Variants in TTPA observed in about 807,000 individuals in gnomAD.
TTPA encodes alpha tocopherol transfer protein, also known as alpha-tocopherol transfer protein.
In TTPA, 23 loss-of-function variants were observed where a neutral mutation model predicts 25.9. The ratio of observed to expected loss-of-function variants is 0.89; its 90% CI spans 0.64 to 1.26. The LOEUF (loss-of-function observed/expected upper bound fraction) is 1.26. Ranked by LOEUF, TTPA falls within the 50% of genes most tolerant of loss-of-function variation. The pLI is 0.00. For synonymous variants in TTPA, 148 were observed against 137.3 expected (o/e 1.08, Z -0.54); for missense variants, 337 against 353.1 (o/e 0.95, Z 0.37).
chr8:63,069,129 G>A (rs1251849074), intron 2 of TTPA, among the ~76,000 whole-genome samples: 1 of 151,804 alleles, frequency 6.6e-6, no homozygotes, highest in Non-Finnish European at 1.5e-5. Flanking sequence ...TCTCCAGCCT[G>A]GGCAACAGAA....
chr8:63,063,050 C>G (rs1014622411), intron 4 of TTPA, among the ~76,000 whole-genome samples: 1 of 152,122 alleles, frequency 6.6e-6, no homozygotes, highest in African/African-American at 2.4e-5. Context: ...AACTTTCTGA[C>G]CAGGTATAAG....
At position 63,065,968 on chromosome 8, in the gene TTPA, CA is replaced by C. The variant is rs397515378; in HGVS notation, c.487del (p.Trp163GlyfsTer13). ...GIKAIFDLEGWQFSHAFQITP... is the reference protein window; with the variant it reads ...GIKAIFDLEGXQFSHAFQITP... Reference sequence around the variant, plus strand: ...GATTTGAAAAGCATGAGAAAACTGCCAACCTTCCAGATCAAAGATAGCCTTG... The same window carrying C: ...GATTTGAAAAGCATGAGAAAACTGCCACCTTCCAGATCAAAGATAGCCTTG... On this transcript the variant is annotated frameshift_variant, in exon 3 of 5. Coordinates refer to ENST00000260116, the MANE Select transcript of TTPA (RefSeq NM_000370.3). LOFTEE classifies it high-confidence loss of function. The C allele has an allele frequency of 4.6e-5, 75 of 1,613,914 alleles. No homozygotes were observed. Among genetic ancestry groups the C allele is most frequent in the Non-Finnish European group, 5.8e-5 (69 of 1,180,008 alleles).
At chr8:63,066,211 C>G in intron 2 of TTPA, 114 bp from the exon 3 acceptor site, 1 of 1,096,664 alleles carries the variant, frequency 9.1e-7, no homozygotes, top group Non-Finnish European at 1.3e-6. Flanking sequence ...AAAACATCTA[C>G]AAAGATCAAG....
chr8:63,061,049 A>T lies in TTPA; in HGVS notation c.*203T>A. On this transcript the variant is annotated 3_prime_UTR_variant, in exon 5 of 5. Coordinates refer to ENST00000260116, the MANE Select transcript of TTPA (RefSeq NM_000370.3). ...TCTTAAAATGTACTGACATTTAATT[A>T]CTTCAAAAGTAGAGAAAAAAGCATT... 1.8e-6 allele frequency: 1 copy of T among 547,044 alleles called. No individual in the cohort carries two copies. 33.9% of individuals were successfully genotyped at this position (547,044 alleles called of 1,614,324 possible). A position where few individuals can be genotyped will look rare whatever the true frequency, so the allele number is the denominator to read the frequency against.
intron 1 of TTPA, 143 bp downstream of exon 1, chr8:63,085,675 C>G: frequency 1.1e-6 from 1 of 948,164 alleles, no homozygotes; most frequent in Admixed American, 2.8e-5. Context: ...TCAGCGCCCA[C>G]GCCGGGTGGT....
At chr8:63,077,832 C>T (rs1449507598) in intron 1 of TTPA, among the ~76,000 whole-genome samples, 1 of 152,180 alleles carries the variant, frequency 6.6e-6, no homozygotes, top group Non-Finnish European at 1.5e-5. Flanking sequence ...GGCATTTCTG[C>T]TCTGAGAATG....
chr8:63,070,013 A>C (rs547000575), intron 2 of TTPA, among the ~76,000 whole-genome samples: 1 of 152,316 alleles, frequency 6.6e-6, no homozygotes, highest in Admixed American at 6.5e-5. Flanking sequence ...AGATTGATTT[A>C]ATGCTTACAG....
Position 63,064,333 on chromosome 8 carries a change from A to T in TTPA, c.553-17T>A, listed in dbSNP as rs750887118. On this transcript the variant is annotated splice_polypyrimidine_tract_variant and intron_variant, in intron 3 of 4. Coordinates refer to ENST00000260116, the MANE Select transcript of TTPA (RefSeq NM_000370.3). ...AAATGAATCCTTTTGAAAATAAAAA[A>T]ATCTTAATAACAAAACATAAATATT... is the stretch of plus-strand genomic sequence containing the variant. 2.0e-5 allele frequency: 31 copies of T among 1,549,630 alleles called. No homozygotes were observed. In the Middle Eastern group the frequency reaches 5.0e-4, roughly 25 times the overall value.
intron 1 of TTPA, among the ~76,000 whole-genome samples, chr8:63,077,352 G>A (rs186165398): frequency 9.9e-5 from 15 of 152,264 alleles, no homozygotes; most frequent in East Asian, 3.9e-4. Context: ...GAAGCAAGGC[G>A]GGGCATTGCC....
chr8:63,061,254 A>G lies in TTPA; in HGVS notation c.835T>C (p.Ter279ArgextTer11). ...AGCCATTCACATGACATAACTTCTC[A>G]TTGAATGCTCTCAGAAATGCTGCTG... Reference protein sequence around the residue: ...YLSSISESIQ* With the variant: ...YLSSISESIQR The change falls in exon 5 of 5, where the codon TGA becomes CGA. Residue 279 changes from the stop codon to arginine (R), a stop_lost. Coordinates refer to ENST00000260116, the MANE Select transcript of TTPA (RefSeq NM_000370.3). 1 of 1,610,860 alleles carries G rather than the reference A, an allele frequency of 6.2e-7. No homozygotes were observed. Among genetic ancestry groups the G allele is most frequent in the South Asian group, 1.1e-5 (1 of 90,994 alleles).
At chr8:63,064,097 A>G in intron 4 of TTPA, 109 bp downstream of exon 4, 1 of 730,694 alleles carries the variant, frequency 1.4e-6, no homozygotes, top group South Asian at 1.7e-5. Flanking sequence ...ATATTGGGCT[A>G]ATGATATAGA....
rs377115359 is a variant in TTPA, at chr8:63,065,945, T to C, written c.511A>G (p.Ile171Val). Residue 171 changes from isoleucine (I) to valine (V), a missense_variant, in exon 3 of 5, where the codon ATC becomes GTC. Coordinates refer to ENST00000260116, the MANE Select transcript of TTPA (RefSeq NM_000370.3). ...ATCTTCTTGGCTACGGATGGAGTGA[T>C]TTGAAAAGCATGAGAAAACTGCCAA... is the stretch of plus-strand genomic sequence containing the variant. ...EGWQFSHAFQ[I>V]TPSVAKKIAA... 6.2e-7 allele frequency: 1 copy of C among 1,613,994 alleles called. No individual in the cohort carries two copies. The highest frequency in any genetic ancestry group is 1.3e-5 in the African/African-American group (1 of 74,934).
chr8:63,074,364 C>G (rs960711494), intron 1 of TTPA, among the ~76,000 whole-genome samples: 5 of 152,192 alleles, frequency 3.3e-5, no homozygotes, highest in African/African-American at 1.2e-4. Context: ...CCCCTCACCC[C>G]CATCTCTGAT....
chr8:63,085,945 G>C lies in TTPA; in HGVS notation c.77C>G (p.Pro26Arg). The C allele has an allele frequency of 6.6e-7, 1 of 1,522,608 alleles. No individual in the cohort carries two copies. Among genetic ancestry groups the C allele is most frequent in the Non-Finnish European group, 8.8e-7 (1 of 1,142,772 alleles). The allele number at this position is 1,522,608 out of a possible 1,614,324, so 94.3% of individuals were successfully genotyped here. A position where few individuals can be genotyped will look rare whatever the true frequency, so the allele number is the denominator to read the frequency against. The change falls in exon 1 of 5, where the codon CCG (proline) becomes CGG (arginine). Residue 26 changes from proline (P) to arginine (R), a missense_variant. Coordinates refer to ENST00000260116, the MANE Select transcript of TTPA (RefSeq NM_000370.3). The part of the protein sequence containing the change: ...ALPDHSPLLQ[P>R]GLAALRRRAR... ...CCGGCGCCGCAGCGCCGCCAGGCCC[G>C]GCTGCAGCAACGGAGAGTGGTCCGG... is the stretch of plus-strand genomic sequence containing the variant.
chr8:63,078,748 G>A (rs1805612343), intron 1 of TTPA, among the ~76,000 whole-genome samples: 1 of 152,206 alleles, frequency 6.6e-6, no homozygotes, highest in South Asian at 2.1e-4. Flanking sequence ...AGTGGAACCA[G>A]TTGGAAAACA....
At chr8:63,072,015 C>G (rs997499078) in intron 2 of TTPA, among the ~76,000 whole-genome samples, 4 of 152,154 alleles carry the variant, frequency 2.6e-5, no homozygotes, top group African/African-American at 9.7e-5. Flanking sequence ...TAATGGAATA[C>G]CGTGTCTGCA....
intron 1 of TTPA, among the ~76,000 whole-genome samples, chr8:63,080,233 C>T (rs540181224): frequency 2.6e-5 from 4 of 152,082 alleles, no homozygotes; most frequent in Non-Finnish European, 5.9e-5. Context: ...GATCTCAAAT[C>T]GACACCCTAA....
At chr8:63,085,774 G>T in intron 1 of TTPA, 44 bp downstream of exon 1, 2 of 1,524,380 alleles carry the variant, frequency 1.3e-6, no homozygotes, top group South Asian at 1.2e-5. Context: ...GGGACGGGGC[G>T]GGTGAGGTGC....
In TTPA at chr8:63,060,926, A is replaced by T. The variant is rs529634119; in HGVS notation, c.*326T>A. The T allele has an allele frequency of 2.4e-4, 51 of 209,036 alleles. No homozygotes were observed. Among genetic ancestry groups the T allele is most frequent in the Middle Eastern group, 4.2e-3 (2 of 480 alleles). The allele number at this position is 209,036 out of a possible 1,614,324, so 12.9% of individuals were successfully genotyped here. A position where few individuals can be genotyped will look rare whatever the true frequency, so the allele number is the denominator to read the frequency against. On this transcript the variant is annotated 3_prime_UTR_variant, in exon 5 of 5. Coordinates refer to ENST00000260116, the MANE Select transcript of TTPA (RefSeq NM_000370.3). ...CAATTTAATCAGAGAACTTGTTTAA[A>T]ATATAACTTTCTAGAAACATACAAA...
Sources: allele counts gnomAD v4.1 joint callset (sites outside exome capture counted in the v4.1 genomes callset), GRCh38; gene constraint gnomAD v4.1.1; transcripts MANE v1.5; gene names NCBI Gene and HGNC (gene_info 2026-07-23, HGNC 2026-07-21).